The following KCNH7 variants were observed in gnomAD, a reference collection of about 807,000 sequenced individuals.
KCNH7 encodes voltage-gated inwardly rectifying potassium channel KCNH7.
In KCNH7, 49 loss-of-function variants were observed where a neutral mutation model predicts 120.8. The observed-to-expected ratio is 0.41, with a 90% CI of 0.32 to 0.51. The LOEUF (loss-of-function observed/expected upper bound fraction) is 0.51. KCNH7 is among the 20% of genes least tolerant of loss of function. The probability of loss-of-function intolerance (pLI) is 0.38; values close to 1 mark genes in which losing one functional copy is unlikely to be tolerated. For synonymous variants in KCNH7, 547 were observed against 516.1 expected, an observed-to-expected ratio of 1.06 and a Z score of -0.81; for missense variants, 1,097 against 1,446.6, an observed-to-expected ratio of 0.76 and a Z score of 3.92.
At chr2:162,759,497 C>A (rs537106695) in intron 2 of KCNH7, among the ~76,000 whole-genome samples, 2 of 152,064 alleles carry the variant, frequency 1.3e-5, no homozygotes, top group East Asian at 3.9e-4. Context: ...GTTTCTCAGC[C>A]CAATTTCTTG....
chr2:162,641,596 A>T (rs933400038), intron 2 of KCNH7, among the ~76,000 whole-genome samples: 1 of 152,122 alleles, frequency 6.6e-6, no homozygotes, highest in Non-Finnish European at 1.5e-5. Context: ...CCTCTTACAC[A>T]ACATTCTTGA....
chr2:162,518,769 C>A (rs371838712), intron 3 of KCNH7, among the ~76,000 whole-genome samples: 2 of 148,798 alleles, frequency 1.3e-5, no homozygotes, highest in South Asian at 2.1e-4. Context: ...TTTTAAAGAG[C>A]GATGTACTGT....
intron 9 of KCNH7, among the ~76,000 whole-genome samples, chr2:162,413,347 G>A (rs371792698): frequency 3.5e-4 from 53 of 152,084 alleles, no homozygotes; most frequent in East Asian, 2.3e-3. Flanking sequence ...GGCTAGTCTC[G>A]AACTCCTGAC....
chr2:162,657,967 T>C (rs888710023), intron 2 of KCNH7, among the ~76,000 whole-genome samples: 1 of 151,942 alleles, frequency 6.6e-6, no homozygotes, highest in African/African-American at 2.4e-5. Flanking sequence ...TAACCCCCAA[T>C]GTTATGGCAT....
At chr2:162,652,094 G>T (rs1684585768) in intron 2 of KCNH7, among the ~76,000 whole-genome samples, 1 of 151,912 alleles carries the variant, frequency 6.6e-6, no homozygotes, top group Admixed American at 6.6e-5. Context: ...AAAATGTTTT[G>T]TTTCCCACAA....
rs1166488994 is a variant in KCNH7 at position 162,649,884 on chromosome 2, C to T, written c.308-112804G>A. ...ACAATATATCATTATTGTAATGACACCAGGTTATTTGATAGCATGTGATAC... is the reference window on the plus strand; with the variant it reads ...ACAATATATCATTATTGTAATGACATCAGGTTATTTGATAGCATGTGATAC... On this transcript the variant is annotated intron_variant, in intron 2 of 15. Coordinates refer to ENST00000332142, the MANE Select transcript of KCNH7 (RefSeq NM_033272.4). Among the ~76,000 whole-genome samples the T allele has an allele frequency of 7.9e-5, 12 of 151,988 alleles. No individual in the cohort carries two copies. In the East Asian group the frequency reaches 2.1e-3, roughly 27 times the overall value.
chr2:162,533,319 T>G (rs1423224159), intron 3 of KCNH7, among the ~76,000 whole-genome samples: 6 of 151,682 alleles, frequency 4.0e-5, no homozygotes. Flanking sequence ...ACACATCAGT[T>G]GCGTCAATAA....
chr2:162,643,395 C>T (rs922963538), intron 2 of KCNH7, among the ~76,000 whole-genome samples: 2 of 151,942 alleles, frequency 1.3e-5, no homozygotes, highest in Admixed American at 6.6e-5. Flanking sequence ...ATATTTTTTA[C>T]TCTAATTACA....
At chr2:162,725,202 C>T (rs1687471680) in intron 2 of KCNH7, among the ~76,000 whole-genome samples, 1 of 152,082 alleles carries the variant, frequency 6.6e-6, no homozygotes, top group Non-Finnish European at 1.5e-5. Flanking sequence ...CATTCCTATA[C>T]TTTATATTCA....
At chr2:162,789,285 A>T (rs1431901297) in intron 2 of KCNH7, among the ~76,000 whole-genome samples, 1 of 152,032 alleles carries the variant, frequency 6.6e-6, no homozygotes, top group Non-Finnish European at 1.5e-5. Context: ...AAAAGACAAG[A>T]CTATTAAAAT....
Position 162,696,746 on chromosome 2 carries a change from G to T in KCNH7, c.307+139791C>A, listed in dbSNP as rs562234928. On this transcript the variant is annotated intron_variant, in intron 2 of 15. Transcript: ENST00000332142. ...GTTATTGAAGAAGCTAGCAAGAACT[G>T]GTCAAATCGTATGAAAAAGCACTCA... 8.5e-5 allele frequency among the ~76,000 whole-genome samples: 13 copies of T among 152,218 alleles called. No homozygotes were observed. The South Asian group carries it at 2.5e-3, about 29-fold the overall frequency.
rs187692398 is a variant in KCNH7 at position 162,587,145 on chromosome 2, T to C, written c.308-50065A>G. On this transcript the variant is annotated intron_variant, in intron 2 of 15. Transcript: ENST00000332142. ...TAATTTATGAATTTAATTTTCTGCT[T>C]GTTTATTATGCCATTTACTTCATAT... Among the ~76,000 whole-genome samples, 61 of 152,272 alleles carry C rather than the reference T, an allele frequency of 4.0e-4. 1 individual carries two copies. Among genetic ancestry groups the C allele is most frequent in the Admixed American group, 9.8e-4 (15 of 15,294 alleles).
chr2:162,778,088 C>T (rs571057003), intron 2 of KCNH7, among the ~76,000 whole-genome samples: 1 of 151,938 alleles, frequency 6.6e-6, no homozygotes, highest in East Asian at 1.9e-4. Context: ...AACAGAGATC[C>T]TTCTTTCTAA....
intron 6 of KCNH7, among the ~76,000 whole-genome samples, chr2:162,478,056 G>C (rs1689807111): frequency 6.6e-6 from 1 of 152,224 alleles, no homozygotes; most frequent in Admixed American, 6.5e-5. Context: ...GTGAAAGTGT[G>C]TGACTGGATG....
intron 2 of KCNH7, among the ~76,000 whole-genome samples, chr2:162,690,081 G>C (rs1452598473): frequency 1.3e-5 from 2 of 152,116 alleles, no homozygotes; most frequent in Non-Finnish European, 2.9e-5. Flanking sequence ...TCTTTGCAGG[G>C]ACATAGATGG....
intron 2 of KCNH7, among the ~76,000 whole-genome samples, chr2:162,645,544 A>G (rs1451781383): frequency 1.3e-5 from 2 of 152,156 alleles, no homozygotes; most frequent in African/African-American, 2.4e-5. Flanking sequence ...TTGAACTCTT[A>G]TCATCTGTAT....
chr2:162,641,732 A>T lies in KCNH7; in HGVS notation c.308-104652T>A, dbSNP rs1457260110. On this transcript the variant is annotated intron_variant, in intron 2 of 15. Coordinates refer to ENST00000332142, the MANE Select transcript of KCNH7 (RefSeq NM_033272.4). ...TTGTATCTTGATTACATCAATGATA[A>T]TATTCTGGGTGCTATCTTGTAGTAT... Among the ~76,000 whole-genome samples the T allele has an allele frequency of 2.8e-5, 4 of 143,020 alleles. No homozygotes were observed. The South Asian group carries it at 8.4e-4, about 30-fold the overall frequency. The allele number at this position is 143,020 out of a possible 152,430, so 93.8% of individuals were successfully genotyped here.
At chr2:162,563,432 G>A (rs1038697383) in intron 2 of KCNH7, among the ~76,000 whole-genome samples, 1 of 152,018 alleles carries the variant, frequency 6.6e-6, no homozygotes, top group Admixed American at 6.6e-5. Flanking sequence ...ACACACAGAG[G>A]CACACACATC....
At chr2:162,626,519 C>G (rs909712974) in intron 2 of KCNH7, among the ~76,000 whole-genome samples, 1 of 152,028 alleles carries the variant, frequency 6.6e-6, no homozygotes, top group Non-Finnish European at 1.5e-5. Context: ...TTTATTTTAC[C>G]TGCAAAAATA....
Sources: allele counts gnomAD v4.1 joint callset (sites outside exome capture counted in the v4.1 genomes callset), GRCh38; gene constraint gnomAD v4.1.1; transcripts MANE v1.5; gene names NCBI Gene and HGNC (gene_info 2026-07-23, HGNC 2026-07-21).